Variants in USH2A observed in about 807,000 individuals in gnomAD.
USH2A encodes the protein usherin.
USH2A carries 443 observed loss-of-function variants against 538.9 expected under a neutral mutation model. The ratio of observed to expected loss-of-function variants is 0.82; its 90% CI spans 0.76 to 0.89. USH2A has a LOEUF of 0.89. Ranked by LOEUF, USH2A falls within the 40% of genes least tolerant of loss-of-function variation. The pLI, the probability that USH2A is intolerant of heterozygous loss-of-function variation, is 0.00. For missense variants in USH2A, 6,633 were observed against 6,324.8 expected (o/e 1.05, Z -1.65); for synonymous variants, 2,413 against 2,273.5 (o/e 1.06, Z -1.75).
intron 11 of USH2A, among the ~76,000 whole-genome samples, chr1:216,259,453 T>C (rs2036323813): frequency 1.3e-5 from 2 of 152,104 alleles, no homozygotes. Flanking sequence ...AATTAAATTA[T>C]AATGAAGCTG....
At chr1:215,773,382 G>A (rs1297005951) in intron 55 of USH2A, among the ~76,000 whole-genome samples, 2 of 151,862 alleles carry the variant, frequency 1.3e-5, no homozygotes, top group African/African-American at 4.8e-5. Flanking sequence ...ATACTTGATC[G>A]AACCAATCTG....
intron 16 of USH2A, among the ~76,000 whole-genome samples, chr1:216,206,002 C>T (rs1572049781): frequency 6.6e-6 from 1 of 152,038 alleles, no homozygotes; most frequent in Non-Finnish European, 1.5e-5. Flanking sequence ...TTGTTTATAT[C>T]CTTTCTCTTT....
In USH2A at chr1:215,728,360, C is replaced by G; in HGVS notation, c.11736G>C (p.Glu3912Asp). Residue 3912 changes from glutamate (E) to aspartate (D), a missense_variant, in exon 61 of 72, where the codon GAG becomes GAC. Glu to Asp is a conservative substitution (Grantham distance 45, BLOSUM62 2). Coordinates refer to ENST00000307340, the MANE Select transcript of USH2A (RefSeq NM_206933.4). Reference sequence around the variant, plus strand: ...CTTCTGACCAGACAAATAAAACAGACTCCTCTTCAATGCCAGCAGGGCGTC... The same window carrying G: ...CTTCTGACCAGACAAATAAAACAGAGTCCTCTTCAATGCCAGCAGGGCGTC... ...IYRRPAGIEE[E>D]SVLFVWSEGA... The G allele has an allele frequency of 1.2e-6, 2 of 1,614,108 alleles. No individual in the cohort carries two copies. The highest frequency in any genetic ancestry group is 1.3e-5 in the African/African-American group (1 of 75,004).
intron 21 of USH2A, among the ~76,000 whole-genome samples, chr1:216,159,940 GT>G (rs2034023657): frequency 1.3e-5 from 2 of 152,062 alleles, no homozygotes; most frequent in East Asian, 3.9e-4. Context: ...TATTGTCAAG[GT>G]TTTAGCGTAG....
chr1:216,116,502 T>A (rs1482594337), intron 21 of USH2A, among the ~76,000 whole-genome samples: 1 of 152,130 alleles, frequency 6.6e-6, no homozygotes, highest in Non-Finnish European at 1.5e-5. Flanking sequence ...TAAAGAATTT[T>A]ACTCTGGGGT....
intron 40 of USH2A, among the ~76,000 whole-genome samples, chr1:215,896,485 C>T (rs1437555025): frequency 1.3e-5 from 2 of 151,762 alleles, no homozygotes; most frequent in African/African-American, 4.8e-5. Flanking sequence ...CTTTTTTGGG[C>T]TGGGGAATCC....
At chr1:216,360,518 T>A (rs2038471775) in intron 4 of USH2A, among the ~76,000 whole-genome samples, 1 of 152,008 alleles carries the variant, frequency 6.6e-6, no homozygotes, top group South Asian at 2.1e-4. Context: ...AACTTTAATG[T>A]AAACTATGGA....
At chr1:216,116,663 T>C (rs1314756929) in intron 21 of USH2A, among the ~76,000 whole-genome samples, 2 of 152,140 alleles carry the variant, frequency 1.3e-5, no homozygotes, top group Non-Finnish European at 2.9e-5. Flanking sequence ...TTTTAAATAA[T>C]AGACTGTTAA....
intron 21 of USH2A, among the ~76,000 whole-genome samples, chr1:216,099,573 T>A (rs1323222975): frequency 6.6e-6 from 1 of 152,148 alleles, no homozygotes; most frequent in Non-Finnish European, 1.5e-5. Context: ...AGACGTAACT[T>A]AGCTACACAG....
chr1:215,984,424 C>A (rs962148212), intron 35 of USH2A, among the ~76,000 whole-genome samples: 4 of 152,160 alleles, frequency 2.6e-5, no homozygotes, highest in African/African-American at 9.6e-5. Context: ...ATACTTAATT[C>A]CCATTGGCTG....
chr1:215,654,517 G>A (rs1415341593), intron 64 of USH2A, among the ~76,000 whole-genome samples: 1 of 152,200 alleles, frequency 6.6e-6, no homozygotes, highest in Non-Finnish European at 1.5e-5. Context: ...ATGAGTGGGT[G>A]CACACACAGT....
intron 44 of USH2A, among the ~76,000 whole-genome samples, chr1:215,864,792 G>A (rs1664428247): frequency 6.6e-6 from 1 of 152,076 alleles, no homozygotes; most frequent in African/African-American, 2.4e-5. Flanking sequence ...CACATATCAT[G>A]TATGTGATAC....
At chr1:215,690,986 C>A (rs554072138) in intron 61 of USH2A, among the ~76,000 whole-genome samples, 2 of 152,042 alleles carry the variant, frequency 1.3e-5, no homozygotes, top group Non-Finnish European at 2.9e-5. Flanking sequence ...CAGGTTCAAG[C>A]GATTCTTCTG....
intron 44 of USH2A, among the ~76,000 whole-genome samples, chr1:215,861,777 C>A (rs911478622): frequency 1.0e-4 from 15 of 150,320 alleles, no homozygotes; most frequent in African/African-American, 2.7e-4. Context: ...AGATAAGGGG[C>A]AAGGCTATCA....
In USH2A at chr1:216,389,109, T is replaced by A. The variant is rs552394178; in HGVS notation, c.652-24024A>T. Among the ~76,000 whole-genome samples, 270 of 152,296 alleles carry A rather than the reference T, an allele frequency of 1.8e-3. 2 individuals carry two copies. Among genetic ancestry groups the A allele is most frequent in the Middle Eastern group, 3.4e-3 (1 of 294 alleles). ...AGAGGAAAAGGTTCTTGGATGAAAGTGACTACTTTATCATCGCATGCTTCA... is the reference window on the plus strand; with the variant it reads ...AGAGGAAAAGGTTCTTGGATGAAAGAGACTACTTTATCATCGCATGCTTCA... On this transcript the variant is annotated intron_variant, in intron 3 of 71. Coordinates refer to ENST00000307340, the MANE Select transcript of USH2A (RefSeq NM_206933.4).
At chr1:216,370,551 G>A (rs901139622) in intron 3 of USH2A, among the ~76,000 whole-genome samples, 3 of 148,844 alleles carry the variant, frequency 2.0e-5, no homozygotes, top group Non-Finnish European at 4.5e-5. Context: ...ATGGTGGCAC[G>A]AGCCTGTAAT....
At chr1:216,262,070 C>T (rs1248381382) in intron 11 of USH2A, among the ~76,000 whole-genome samples, 1 of 152,148 alleles carries the variant, frequency 6.6e-6, no homozygotes, top group African/African-American at 2.4e-5. Context: ...AGGAGTAAAT[C>T]TTTCCCTATA....
chr1:215,844,046 C>T (rs1663770971), intron 46 of USH2A, among the ~76,000 whole-genome samples: 1 of 152,094 alleles, frequency 6.6e-6, no homozygotes, highest in African/African-American at 2.4e-5. Context: ...CTTTATTTTG[C>T]CAGTGAGAAT....
intron 61 of USH2A, among the ~76,000 whole-genome samples, chr1:215,690,179 C>G (rs1372981805): frequency 6.6e-6 from 1 of 152,144 alleles, no homozygotes; most frequent in African/African-American, 2.4e-5. Flanking sequence ...GACTCTTTAA[C>G]CAATAGTGGC....
Sources: allele counts gnomAD v4.1 joint callset (sites outside exome capture counted in the v4.1 genomes callset), GRCh38; gene constraint gnomAD v4.1.1; transcripts MANE v1.5; gene names NCBI Gene and HGNC (gene_info 2026-07-23, HGNC 2026-07-21).